GLRA2: variants seen among roughly 807,000 people sequenced by gnomAD.
The protein encoded by GLRA2 is glycine receptor subunit alpha-2.
A neutral mutation model predicts 31.6 loss-of-function variants in GLRA2; 11 were observed. The ratio of observed to expected loss-of-function variants is 0.35; its 90% confidence interval spans 0.22 to 0.58. GLRA2 has a LOEUF of 0.58. GLRA2 is among the 20% of genes least tolerant of loss of function. The pLI, the probability that GLRA2 is intolerant of heterozygous loss-of-function variation, is 0.84. For missense variants in GLRA2, 212 were observed against 351.8 expected (o/e 0.60, Z 3.18); for synonymous variants, 132 against 134.0 (o/e 0.99, Z 0.10).
chrX:14,498,745 A>G, the GLRA2 span, among the ~76,000 whole-genome samples: 1 of 111,149 alleles, frequency 9.0e-6, no homozygotes, highest in African/African-American at 3.3e-5. Context: ...CTCATTAATC[A>G]GCCTCTCTTC....
chrX:14,522,451 T>C, the GLRA2 span, among the ~76,000 whole-genome samples: 1 of 111,989 alleles, frequency 8.9e-6, no homozygotes. Flanking sequence ...TTCCAAACTC[T>C]TGTTGACATT....
intron 7 of GLRA2, among the ~76,000 whole-genome samples, chrX:14,648,925 A>T (rs1053595852): frequency 1.8e-5 from 2 of 112,250 alleles, no homozygotes; most frequent in Non-Finnish European, 3.8e-5. Context: ...TTATAAAATT[A>T]AAAAATATGG....
At chrX:14,507,347 G>A in the GLRA2 span, among the ~76,000 whole-genome samples, 64 of 111,941 alleles carry the variant, frequency 5.7e-4, no homozygotes, top group African/African-American at 1.6e-3. Context: ...TTTTTTAGCC[G>A]TTAAGTGGGA....
chrX:14,581,434 G>A (rs963961897), intron 4 of GLRA2, 28 bp downstream of exon 4: 13 of 857,718 alleles, frequency 1.5e-5, no homozygotes, highest in Middle Eastern at 2.7e-4. Context: ...GCACATGTTC[G>A]CATCTCCATT....
chrX:14,588,824 A>AT (rs780906789), intron 4 of GLRA2, among the ~76,000 whole-genome samples: 12 of 109,793 alleles, frequency 1.1e-4, no homozygotes, highest in South Asian at 7.7e-4. Context: ...TAAGTATTTC[A>AT]TTTTTTTTGT....
chrX:14,566,843 C>G (rs1251042189), intron 2 of GLRA2, among the ~76,000 whole-genome samples: 3 of 111,687 alleles, frequency 2.7e-5, no homozygotes, highest in Non-Finnish European at 3.8e-5. Context: ...CAGTGGGAAG[C>G]CTGTTTAGAT....
intron 7 of GLRA2, among the ~76,000 whole-genome samples, chrX:14,682,714 C>A (rs1159604224): frequency 1.1e-5 from 1 of 90,846 alleles, no homozygotes; most frequent in Non-Finnish European, 2.2e-5. Context: ...CCCCACCCCA[C>A]GACAGGCCCC....
At chrX:14,550,507 C>A (rs1222227451) in intron 2 of GLRA2, among the ~76,000 whole-genome samples, 2 of 110,166 alleles carry the variant, frequency 1.8e-5, no homozygotes, top group African/African-American at 6.6e-5. Flanking sequence ...ATCCAATGAT[C>A]TGTATTTTCT....
intron 7 of GLRA2, among the ~76,000 whole-genome samples, chrX:14,674,994 C>T (rs1427997666): frequency 1.8e-5 from 2 of 112,167 alleles, no homozygotes; most frequent in African/African-American, 3.2e-5. Flanking sequence ...AATAAACATA[C>T]ATCACTTGTT....
chrX:14,585,295 T>C (rs1445766117), intron 4 of GLRA2, among the ~76,000 whole-genome samples: 1 of 111,709 alleles, frequency 9.0e-6, no homozygotes, highest in Non-Finnish European at 1.9e-5. Context: ...AAGTAAGATG[T>C]GGTCTTTCCC....
At chrX:14,702,775 C>A (rs1323260631) in intron 8 of GLRA2, among the ~76,000 whole-genome samples, 1 of 111,570 alleles carries the variant, frequency 9.0e-6, no homozygotes, top group African/African-American at 3.3e-5. Context: ...AAAGATATGA[C>A]CACGCAGGCA....
At chrX:14,518,774 G>T in the GLRA2 span, among the ~76,000 whole-genome samples, 2 of 108,112 alleles carry the variant, frequency 1.8e-5, no homozygotes, top group Non-Finnish European at 3.8e-5. Context: ...ACTTTGGGAG[G>T]CCACGGCGGA....
Position 14,685,699 on chromosome X carries a change from T to G in GLRA2, c.931-5011T>G, listed in dbSNP as rs1220991216. ...ATTTTTTATTGCGTCTATTTGATTCTTCTCTCTTTTCTTCTTAGTCTTCCT... is the reference window on the plus strand; with the variant it reads ...ATTTTTTATTGCGTCTATTTGATTCGTCTCTCTTTTCTTCTTAGTCTTCCT... On this transcript the variant is annotated intron_variant, in intron 7 of 8. Transcript: ENST00000218075. Among the ~76,000 whole-genome samples, 3 of 111,939 alleles carry G rather than the reference T, an allele frequency of 2.7e-5. No homozygotes were observed. The Admixed American group carries it at 2.8e-4, about 11-fold the overall frequency.
chrX:14,671,781 A>ATTGTT (rs2091096263), intron 7 of GLRA2, among the ~76,000 whole-genome samples: 1 of 112,867 alleles, frequency 8.9e-6, no homozygotes, highest in Middle Eastern at 4.6e-3. Flanking sequence ...TGCACATGCA[A>ATTGTT]TTGTTTTTCC....
the GLRA2 span, among the ~76,000 whole-genome samples, chrX:14,480,714 C>G: frequency 9.0e-6 from 1 of 111,426 alleles, no homozygotes; most frequent in Non-Finnish European, 1.9e-5. Context: ...TTCCATTGGT[C>G]TATGTGTCTG....
chrX:14,527,008 A>T (rs2089189663), upstream of GLRA2, among the ~76,000 whole-genome samples: 1 of 111,072 alleles, frequency 9.0e-6, no homozygotes, highest in Non-Finnish European at 1.9e-5. Flanking sequence ...TGTTTCCAGG[A>T]GGAAGAAAAG....
In GLRA2 at chrX:14,720,262, A is replaced by T. The variant is rs774423166; in HGVS notation, c.1081-9945A>T. Among the ~76,000 whole-genome samples the T allele has an allele frequency of 4.5e-5, 5 of 112,048 alleles. No homozygotes were observed. In the Admixed American group the frequency reaches 4.7e-4, roughly 11 times the overall value. The stretch of plus-strand genomic sequence containing the variant: ...AATTAACTTGATTTGATCATTACAC[A>T]TTGTACACGTGTATTGAAATACCAC... On this transcript the variant is annotated intron_variant, in intron 8 of 8. Coordinates refer to ENST00000218075, the MANE Select transcript of GLRA2 (RefSeq NM_002063.4).
chrX:14,519,419 A>C, the GLRA2 span, among the ~76,000 whole-genome samples: 1 of 111,856 alleles, frequency 8.9e-6, no homozygotes, highest in Non-Finnish European at 1.9e-5. Flanking sequence ...GTCAGATCCC[A>C]TTATTCTAAT....
intron 3 of GLRA2, among the ~76,000 whole-genome samples, 194 bp from the exon 4 acceptor site, chrX:14,580,988 GA>G (rs1164132480): frequency 2.7e-5 from 3 of 111,671 alleles, no homozygotes; most frequent in Non-Finnish European, 5.6e-5. Context: ...TGGTTTGGTT[GA>G]ATCTTCCTTT....
Sources: allele counts gnomAD v4.1 joint callset (sites outside exome capture counted in the v4.1 genomes callset), GRCh38; gene constraint gnomAD v4.1.1; transcripts MANE v1.5; gene names NCBI Gene and HGNC (gene_info 2026-07-23, HGNC 2026-07-21).